The following POLR3C variants were observed in gnomAD, a reference collection of about 807,000 sequenced individuals.
POLR3C encodes RNA polymerase III subunit C.
A neutral mutation model predicts 65.9 loss-of-function variants in POLR3C; 44 were observed. That is an observed-to-expected ratio of 0.67 (90% CI 0.52 to 0.86). The LOEUF is 0.86. Ranked by LOEUF, POLR3C falls within the 40% of genes least tolerant of loss-of-function variation. The pLI, the probability that POLR3C is intolerant of heterozygous loss-of-function variation, is 0.00. For missense variants in POLR3C, 576 were observed against 653.2 expected (o/e 0.88, Z 1.29); for synonymous variants, 263 against 231.6 (o/e 1.14, Z -1.23).
At chr1:145,836,653 C>T (rs1651875000) in intron 8 of POLR3C, 79 bp downstream of exon 8, 1 of 985,812 alleles carries the variant, frequency 1.0e-6, no homozygotes, top group East Asian at 2.4e-5. Context: ...TACCTAGTGT[C>T]ATCCTCCTGC....
At chr1:145,827,575 C>A (rs186961585) in intron 4 of POLR3C, among the ~76,000 whole-genome samples, 2 of 151,768 alleles carry the variant, frequency 1.3e-5, no homozygotes, top group East Asian at 3.9e-4. Flanking sequence ...CTGGCTAATA[C>A]CGGGAAACCC....
chr1:145,839,960 C>T lies in POLR3C; in HGVS notation c.1292C>T (p.Ala431Val). ...TTATATACTGTGAACATCCTGTCAG[C>T]TGCCCGAATGTTGTTGCACAGGTGC... is the stretch of plus-strand genomic sequence containing the variant. ...FYLYTVNILSAARMLLHRCYK... is the reference protein window; with the variant it reads ...FYLYTVNILSVARMLLHRCYK... The change falls in exon 12 of 15, where the codon GCT (alanine) becomes GTT (valine). Residue 431 changes from alanine (A) to valine (V), a missense_variant. By Grantham distance (64) the Ala-to-Val change is moderately conservative (BLOSUM62 0). Transcript: ENST00000334163. 2 of 1,611,188 alleles carry T rather than the reference C, an allele frequency of 1.2e-6. No individual in the cohort carries two copies. Among genetic ancestry groups the T allele is most frequent in the Non-Finnish European group, 1.7e-6 (2 of 1,177,364 alleles).
Position 145,825,800 on chromosome 1 carries a change from C to G in POLR3C, c.24C>G (p.Leu8=), listed in dbSNP as rs1338995695. 1 of 1,613,616 alleles carries G rather than the reference C, an allele frequency of 6.2e-7. No homozygotes were observed. Among genetic ancestry groups the G allele is most frequent in the Non-Finnish European group, 8.5e-7 (1 of 1,179,550 alleles). MTQAEIK[L]CSLLLQEHFG... Reference sequence around the variant, plus strand: ...CAATGACTCAAGCAGAAATTAAGCTCTGTTCTTTGTTGCTGCAAGAGCATT... The same window carrying G: ...CAATGACTCAAGCAGAAATTAAGCTGTGTTCTTTGTTGCTGCAAGAGCATT... Residue 8 remains leucine (L), a synonymous_variant, in exon 2 of 15, where the codon CTC becomes CTG. Coordinates refer to ENST00000334163, the MANE Select transcript of POLR3C (RefSeq NM_006468.8).
chr1:145,834,190 A>G (rs1408838813), intron 7 of POLR3C, among the ~76,000 whole-genome samples: 1 of 152,208 alleles, frequency 6.6e-6, no homozygotes, highest in Non-Finnish European at 1.5e-5. Flanking sequence ...GTATCTAAAC[A>G]TCTAATCACA....
rs997167530 is a variant in POLR3C at position 145,824,334 on chromosome 1, T to C, written c.-56T>C. The C allele has an allele frequency of 2.2e-5, 7 of 317,584 alleles. No individual in the cohort carries two copies. The highest frequency in any genetic ancestry group is 2.2e-4 in the Admixed American group (5 of 22,716). The allele number at this position is 317,584 out of a possible 1,614,324, so 19.7% of individuals were successfully genotyped here. On this transcript the variant is annotated 5_prime_UTR_variant, in exon 1 of 15. Transcript: ENST00000334163. ...AGCCGTCGCGGGAAGCTCAGCCGAATTGGAGTTGGAGCCCCCGGATTGCGC... is the reference window on the plus strand; with the variant it reads ...AGCCGTCGCGGGAAGCTCAGCCGAACTGGAGTTGGAGCCCCCGGATTGCGC...
Position 145,826,901 on chromosome 1 carries a change from C to T in POLR3C, c.485C>T (p.Ser162Leu), listed in dbSNP as rs367900792. 16 of 1,613,194 alleles carry T rather than the reference C, an allele frequency of 9.9e-6. No individual in the cohort carries two copies. The highest frequency in any genetic ancestry group is 8.8e-5 in the South Asian group (8 of 90,962). ...ADTHFVQRCP[S>L]VPTTENSDPG... is the part of the protein sequence containing the mutation. ...ACACACTTTGTACAACGCTGCCCTT[C>T]GGTACCTACCACTGAGAATTCAGAC... The change falls in exon 4 of 15, where the codon TCG (serine) becomes TTG (leucine). Residue 162 changes from serine (S) to leucine (L), a missense_variant. Ser to Leu is a moderately radical substitution (Grantham distance 145). Transcript: ENST00000334163.
Position 145,839,906 on chromosome 1 carries a change from C to T in POLR3C, c.1238C>T (p.Pro413Leu). Reference protein sequence around the residue: ...FMSLQEIPKTPDHAPSRTFYL... With the variant: ...FMSLQEIPKTLDHAPSRTFYL... ...GACAAATAGGAAATTCCCAAAACAC[C>T]AGACCATGCCCCATCCAGGACCTTC... The change falls in exon 12 of 15, where the codon CCA becomes CTA. Residue 413 changes from proline to leucine, a missense_variant. Transcript: ENST00000334163. 1 of 1,600,870 alleles carries T rather than the reference C, an allele frequency of 6.2e-7. No individual in the cohort carries two copies. Among genetic ancestry groups the T allele is most frequent in the Non-Finnish European group, 8.6e-7 (1 of 1,168,186 alleles).
At chr1:145,836,166 G>T (rs977227731) in intron 7 of POLR3C, among the ~76,000 whole-genome samples, 4 of 151,212 alleles carry the variant, frequency 2.6e-5, no homozygotes, top group Non-Finnish European at 4.4e-5. Flanking sequence ...TGTAGCCCAG[G>T]CTGGAGTCCA....
At chr1:145,835,838 T>C (rs1651771822) in intron 7 of POLR3C, among the ~76,000 whole-genome samples, 2 of 152,132 alleles carry the variant, frequency 1.3e-5, no homozygotes, top group Non-Finnish European at 2.9e-5. Context: ...CCTCTCAAAG[T>C]GCTGGCATTA....
At chr1:145,832,406 C>A (rs1321191995) in intron 5 of POLR3C, among the ~76,000 whole-genome samples, 2 of 151,798 alleles carry the variant, frequency 1.3e-5, no homozygotes, top group African/African-American at 4.8e-5. Context: ...GATAAGAAGG[C>A]GGTAGAGAAG....
At chr1:145,829,091 A>G (rs782097601) in intron 5 of POLR3C, among the ~76,000 whole-genome samples, 1 of 152,218 alleles carries the variant, frequency 6.6e-6, no homozygotes, top group African/African-American at 2.4e-5. Context: ...AGGTTGCTCA[A>G]TATGGCGAGA....
In POLR3C at chr1:145,842,356, T is replaced by G. The variant is rs146820288; in HGVS notation, c.1541T>G (p.Ile514Ser). The change falls in exon 15 of 15, where the codon ATC becomes AGC. Residue 514 changes from isoleucine (I) to serine (S), a missense_variant. By Grantham distance (142) the Ile-to-Ser change is moderately radical. Transcript: ENST00000334163. ...RNVNKLDASE[I>S]QVDETIFLLE... ...TCACTCAGGTTGGATGCCAGTGAGA[T>G]CCAGGTGGACGAAACCATCTTCCTG... is the stretch of plus-strand genomic sequence containing the variant. The G allele has an allele frequency of 6.2e-6, 10 of 1,609,328 alleles. No individual in the cohort carries two copies. Among genetic ancestry groups the G allele is most frequent in the Non-Finnish European group, 8.5e-6 (10 of 1,176,596 alleles).
chr1:145,824,832 A>G (rs1650569865), intron 1 of POLR3C, among the ~76,000 whole-genome samples: 1 of 152,028 alleles, frequency 6.6e-6, no homozygotes, highest in African/African-American at 2.4e-5. Context: ...CATTTCCTTT[A>G]TGGACTGAGA....
chr1:145,837,926 A>G (rs1203948173), intron 10 of POLR3C, 130 bp from the exon 11 acceptor site: 46 of 803,640 alleles, frequency 5.7e-5, no homozygotes, highest in Admixed American at 2.6e-5. Context: ...GAGCTGTAGA[A>G]TAATTTTCTG....
intron 5 of POLR3C, among the ~76,000 whole-genome samples, chr1:145,829,076 A>G (rs587686309): frequency 1.3e-5 from 2 of 152,304 alleles, no homozygotes; most frequent in African/African-American, 4.8e-5. Context: ...GCCTAGAAAA[A>G]GTTTAGGTTG....
Position 145,826,489 on chromosome 1 carries a change from C to G in POLR3C, c.183C>G (p.Asn61Lys), listed in dbSNP as rs782545977. 1 of 1,613,592 alleles carries G rather than the reference C, an allele frequency of 6.2e-7. No homozygotes were observed. The highest frequency in any genetic ancestry group is 8.5e-7 in the Non-Finnish European group (1 of 1,179,840). ...CCCTGTGTGTCCTCGTCCAACATAA[C>G]CTGGTGAGTTATCAAGTGCACAAAC... is the stretch of plus-strand genomic sequence containing the variant. Reference protein sequence around the residue: ...KKALCVLVQHNLVSYQVHKRG... With the variant: ...KKALCVLVQHKLVSYQVHKRG... Residue 61 changes from asparagine to lysine, a missense_variant, in exon 3 of 15, where the codon AAC becomes AAG. Coordinates refer to ENST00000334163, the MANE Select transcript of POLR3C (RefSeq NM_006468.8).
At chr1:145,835,770 C>T (rs1339147389) in intron 7 of POLR3C, among the ~76,000 whole-genome samples, 2 of 152,078 alleles carry the variant, frequency 1.3e-5, no homozygotes, top group Non-Finnish European at 2.9e-5. Flanking sequence ...GACAGGGTTT[C>T]ACTGTGTTGG....
At position 145,842,346 on chromosome 1, in the gene POLR3C, GC is replaced by G. The variant is rs775151955; in HGVS notation, c.1533del (p.Ser512ValfsTer20). 2.1e-3 allele frequency: 3,370 copies of G among 1,603,190 alleles called. No homozygotes were observed. The highest frequency in any genetic ancestry group is 2.8e-3 in the Non-Finnish European group (3,237 of 1,171,398). ...CCTTTACTTTTCACTCAGGTTGGAT[GC>G]CAGTGAGATCCAGGTGGACGAAACC... ...TLKRNVNKLD[A>X]SEIQVDETIF... On this transcript the variant is annotated frameshift_variant, in exon 15 of 15. Coordinates refer to ENST00000334163, the MANE Select transcript of POLR3C (RefSeq NM_006468.8). LOFTEE classifies it high-confidence loss of function.
chr1:145,825,390 C>T (rs1264170148), intron 1 of POLR3C, among the ~76,000 whole-genome samples: 2 of 152,140 alleles, frequency 1.3e-5, no homozygotes, highest in Non-Finnish European at 2.9e-5. Flanking sequence ...GGATTACAGG[C>T]CTGAGCCACC....
Sources: gnomAD v4.1 joint callset for allele counts (sites outside exome capture counted in the v4.1 genomes callset) on GRCh38, gnomAD v4.1.1 for gene constraint, MANE v1.5 for transcripts, NCBI Gene and HGNC (gene_info 2026-07-23, HGNC 2026-07-21) for gene names.